HPS6: variants seen among roughly 807,000 people sequenced by gnomAD.
The protein encoded by HPS6 is HPS6 biogenesis of lysosomal organelles complex 2 subunit 3.
In HPS6, 46 loss-of-function variants were observed where a neutral mutation model predicts 53.6. The observed-to-expected ratio is 0.86, with a 90% CI of 0.68 to 1.10. The LOEUF (loss-of-function observed/expected upper bound fraction) is 1.10, where lower values mean the gene tolerates loss of function less well. Among genes scored for constraint, HPS6 ranks in the 50% least tolerant of loss-of-function variants. The probability of loss-of-function intolerance (pLI) is 0.00; values close to 1 mark genes in which losing one functional copy is unlikely to be tolerated. For synonymous variants in HPS6, 535 were observed against 470.8 expected (o/e 1.14, Z -1.77); for missense variants, 1,034 against 991.3 (o/e 1.04, Z -0.58).
In HPS6 at chr10:102,065,904, C is replaced by G; in HGVS notation, c.430C>G (p.Arg144Gly). ...LRGRLVWCEE[R>G]QARAEGPSGS... is the part of the protein sequence containing the mutation. ...AGGCCGCCTGGTGTGGTGCGAGGAG[C>G]GGCAGGCCCGGGCCGAGGGCCCGTC... The change falls in exon 1 of 1, where the codon CGG (arginine) becomes GGG (glycine). Residue 144 changes from arginine to glycine, a missense_variant. By Grantham distance (125) the Arg-to-Gly change is moderately radical (BLOSUM62 -2). Coordinates refer to ENST00000299238, the MANE Select transcript of HPS6 (RefSeq NM_024747.6). 1 of 1,541,736 alleles carries G rather than the reference C, an allele frequency of 6.5e-7. No individual in the cohort carries two copies. Among genetic ancestry groups the G allele is most frequent in the Non-Finnish European group, 8.7e-7 (1 of 1,151,142 alleles).
In HPS6 at chr10:102,067,539, C is replaced by T; in HGVS notation, c.2065C>T (p.Pro689Ser). 3 of 1,613,742 alleles carry T rather than the reference C, an allele frequency of 1.9e-6. No individual in the cohort carries two copies. Among genetic ancestry groups the T allele is most frequent in the Non-Finnish European group, 2.5e-6 (3 of 1,180,036 alleles). ...GCACCGCCGGCTTGATGCTCACCTC[C>T]CCCTCCTTTGCCGCCTGTGCCCACC... ...AQHRRLDAHL[P>S]LLCRLCPPEL... The change falls in exon 1 of 1, where the codon CCC (proline) becomes TCC (serine). Residue 689 changes from proline to serine, a missense_variant. Transcript: ENST00000299238.
At position 102,066,855 on chromosome 10, in the gene HPS6, G is replaced by T; in HGVS notation, c.1381G>T (p.Asp461Tyr). The T allele has an allele frequency of 2.5e-6, 4 of 1,614,224 alleles. No homozygotes were observed. The highest frequency in any genetic ancestry group is 1.3e-5 in the African/African-American group (1 of 75,064). Reference protein sequence around the residue: ...LLTMLRTELRDYRGLEQLKAQ... With the variant: ...LLTMLRTELRYYRGLEQLKAQ... ...GACCATGTTGAGGACCGAGCTTCGGGATTACCGAGGCTTAGAACAGCTGAA... is the reference window on the plus strand; with the variant it reads ...GACCATGTTGAGGACCGAGCTTCGGTATTACCGAGGCTTAGAACAGCTGAA... The change falls in exon 1 of 1, where the codon GAT becomes TAT. Residue 461 changes from aspartate to tyrosine, a missense_variant. Coordinates refer to ENST00000299238, the MANE Select transcript of HPS6 (RefSeq NM_024747.6).
chr10:102,068,020 A>G lies in HPS6; in HGVS notation c.*218A>G, dbSNP rs987888155. ...TTTTTAAGATGTGTGTGTTAAATAT[A>G]TACATAGTTTAATATATACACAGTT... On this transcript the variant is annotated 3_prime_UTR_variant, in exon 1 of 1. Coordinates refer to ENST00000299238, the MANE Select transcript of HPS6 (RefSeq NM_024747.6). The G allele has an allele frequency of 4.7e-6, 3 of 643,720 alleles. No homozygotes were observed. Among genetic ancestry groups the G allele is most frequent in the Non-Finnish European group, 8.5e-6 (3 of 352,384 alleles). 39.9% of individuals were successfully genotyped at this position (643,720 alleles called of 1,614,324 possible).
In HPS6 at chr10:102,067,943, G is replaced by C; in HGVS notation, c.*141G>C. The C allele has an allele frequency of 1.0e-6, 1 of 979,536 alleles. No homozygotes were observed. The highest frequency in any genetic ancestry group is 1.6e-5 in the African/African-American group (1 of 62,568). 60.7% of individuals were successfully genotyped at this position (979,536 alleles called of 1,614,324 possible). ...CAGGGAAGGGTGCCTGGGACTTGGA[G>C]GGTCCCATGTATGGACCTGTGTATG... On this transcript the variant is annotated 3_prime_UTR_variant, in exon 1 of 1. Transcript: ENST00000299238.
rs1034386426 is a variant in HPS6 at position 102,067,578 on chromosome 10, G to A, written c.2104G>A (p.Ala702Thr). The A allele has an allele frequency of 3.1e-6, 5 of 1,613,570 alleles. No homozygotes were observed. The African/African-American group carries it at 6.7e-5, about 22-fold the overall frequency. ...CCTGTGCCCACCAGAACTGGCTCCA[G>A]CTGAGCTCCTGCTTCTACTGAGGAC... ...CRLCPPELAP[A>T]ELLLLLRTYL... The change falls in exon 1 of 1, where the codon GCT becomes ACT. Residue 702 changes from alanine (A) to threonine (T), a missense_variant. Transcript: ENST00000299238.
chr10:102,065,465 C>T lies in HPS6; in HGVS notation c.-10C>T. On this transcript the variant is annotated 5_prime_UTR_variant, in exon 1 of 1. Transcript: ENST00000299238. ...GGCAAAGCCTGGGCGCGCTCCCGCG[C>T]AGCGGCGCCATGAAGCGCTCGGGGA... 6.4e-7 allele frequency: 1 copy of T among 1,551,626 alleles called. No individual in the cohort carries two copies. Among genetic ancestry groups the T allele is most frequent in the East Asian group, 2.5e-5 (1 of 40,470 alleles).
chr10:102,066,925 A>G lies in HPS6; in HGVS notation c.1451A>G (p.Glu484Gly). 1 of 1,614,184 alleles carries G rather than the reference A, an allele frequency of 6.2e-7. No individual in the cohort carries two copies. Among genetic ancestry groups the G allele is most frequent in the Non-Finnish European group, 8.5e-7 (1 of 1,180,038 alleles). Residue 484 changes from glutamate (E) to glycine (G), a missense_variant, in exon 1 of 1, where the codon GAG becomes GGG. Transcript: ENST00000299238. ...GATGATGAGGAGGCTGGTTGGACTGAGCTGGCGGAGCAGGAAGTGGCACGC... is the reference window on the plus strand; with the variant it reads ...GATGATGAGGAGGCTGGTTGGACTGGGCTGGCGGAGCAGGAAGTGGCACGC... Reference protein sequence around the residue: ...AGDDEEAGWTELAEQEVARLL... With the variant: ...AGDDEEAGWTGLAEQEVARLL...
In HPS6 at chr10:102,065,618, C is replaced by G. The variant is rs1235408173; in HGVS notation, c.144C>G (p.Pro48=). 1 of 1,554,078 alleles carries G rather than the reference C, an allele frequency of 6.4e-7. No homozygotes were observed. Among genetic ancestry groups the G allele is most frequent in the Non-Finnish European group, 8.6e-7 (1 of 1,161,734 alleles). ...GCCGCCACTTGCTGCTCCTGCGACC[C>G]CCTGGGGCGGTAGCCCCACAGCTGC... ...PDGRHLLLLR[P]PGAVAPQLLV... is the part of the protein sequence containing the mutation. The change falls in exon 1 of 1, where the codon CCC becomes CCG. Residue 48 remains proline (P), a synonymous_variant. Transcript: ENST00000299238.
rs1436670653 is a variant in HPS6, at chr10:102,065,993, A to T, written c.519A>T (p.Glu173Asp). The change falls in exon 1 of 1, where the codon GAA becomes GAT. Residue 173 changes from glutamate to aspartate, a missense_variant. Coordinates refer to ENST00000299238, the MANE Select transcript of HPS6 (RefSeq NM_024747.6). ...VCVRTLEPSG[E>D]ASTSLGRTHV... ...TCCGGACTCTGGAGCCCAGCGGGGA[A>T]GCTAGCACCAGCCTGGGCCGCACAC... 1.2e-6 allele frequency: 2 copies of T among 1,601,528 alleles called. No individual in the cohort carries two copies. Among genetic ancestry groups the T allele is most frequent in the Non-Finnish European group, 1.7e-6 (2 of 1,179,792 alleles).
At position 102,066,802 on chromosome 10, in the gene HPS6, A is replaced by G; in HGVS notation, c.1328A>G (p.Gln443Arg). Reference sequence around the variant, plus strand: ...CCTCAGGCTCTGGCCTCCATCCTCCAGGGCCACCTGCCCCCATCTGCACTG... The same window carrying G: ...CCTCAGGCTCTGGCCTCCATCCTCCGGGGCCACCTGCCCCCATCTGCACTG... ...RAPQALASIL[Q>R]GHLPPSALLT... is the part of the protein sequence containing the mutation. The change falls in exon 1 of 1, where the codon CAG (glutamine) becomes CGG (arginine). Residue 443 changes from glutamine (Q) to arginine (R), a missense_variant. Physicochemically the swap from Gln to Arg is conservative, Grantham distance 43. Coordinates refer to ENST00000299238, the MANE Select transcript of HPS6 (RefSeq NM_024747.6). 1 of 1,614,200 alleles carries G rather than the reference A, an allele frequency of 6.2e-7. No individual in the cohort carries two copies. Among genetic ancestry groups the G allele is most frequent in the South Asian group, 1.1e-5 (1 of 91,090 alleles).
rs765206943 is a variant in HPS6, at chr10:102,067,153, G to A, written c.1679G>A (p.Gly560Glu). The A allele has an allele frequency of 8.7e-6, 14 of 1,613,614 alleles. No individual in the cohort carries two copies. The Admixed American group carries it at 2.0e-4, about 23-fold the overall frequency. ...GITAGKEPPN[G>E]ILPPFELLCQ... The stretch of plus-strand genomic sequence containing the variant: ...ACCGCTGGAAAGGAACCCCCCAATG[G>A]AATACTGCCCCCCTTTGAACTCCTG... The change falls in exon 1 of 1, where the codon GGA becomes GAA. Residue 560 changes from glycine (G) to glutamate (E), a missense_variant. Gly to Glu is a moderately conservative substitution (Grantham distance 98). Coordinates refer to ENST00000299238, the MANE Select transcript of HPS6 (RefSeq NM_024747.6).
chr10:102,066,800 C>T lies in HPS6; in HGVS notation c.1326C>T (p.Leu442=). 1 of 1,614,214 alleles carries T rather than the reference C, an allele frequency of 6.2e-7. No homozygotes were observed. Among genetic ancestry groups the T allele is most frequent in the Non-Finnish European group, 8.5e-7 (1 of 1,180,042 alleles). The part of the protein sequence containing the change: ...FRAPQALASI[L]QGHLPPSALL... ...CACCTCAGGCTCTGGCCTCCATCCTCCAGGGCCACCTGCCCCCATCTGCAC... is the reference window on the plus strand; with the variant it reads ...CACCTCAGGCTCTGGCCTCCATCCTTCAGGGCCACCTGCCCCCATCTGCAC... Residue 442 remains leucine, a synonymous_variant, in exon 1 of 1, where the codon CTC becomes CTT. Coordinates refer to ENST00000299238, the MANE Select transcript of HPS6 (RefSeq NM_024747.6).
rs1159097268 is a variant in HPS6 at position 102,067,639 on chromosome 10, T to C, written c.2165T>C (p.Phe722Ser). The C allele has an allele frequency of 6.2e-7, 1 of 1,613,880 alleles. No individual in the cohort carries two copies. The highest frequency in any genetic ancestry group is 8.5e-7 in the Non-Finnish European group (1 of 1,180,002). The stretch of plus-strand genomic sequence containing the variant: ...GATGAGGTGGGGCCCCCAACCCCAT[T>C]CCCTGAGCCTGGAGCAGAGCCCCCT... ...LPDEVGPPTP[F>S]PEPGAEPPLT... is the part of the protein sequence containing the mutation. Residue 722 changes from phenylalanine to serine, a missense_variant, in exon 1 of 1, where the codon TTC becomes TCC. By Grantham distance (155) the Phe-to-Ser change is radical. Transcript: ENST00000299238.
chr10:102,067,646 G>C lies in HPS6; in HGVS notation c.2172G>C (p.Glu724Asp), dbSNP rs2067982053. Residue 724 changes from glutamate (E) to aspartate (D), a missense_variant, in exon 1 of 1, where the codon GAG becomes GAC. Glu to Asp is a conservative substitution (Grantham distance 45). Transcript: ENST00000299238. ...DEVGPPTPFP[E>D]PGAEPPLTVG... ...TGGGGCCCCCAACCCCATTCCCTGA[G>C]CCTGGAGCAGAGCCCCCTCTCACTG... The C allele has an allele frequency of 6.2e-7, 1 of 1,613,800 alleles. No homozygotes were observed.
In HPS6 at chr10:102,066,041, T is replaced by G. The variant is rs1015249401; in HGVS notation, c.567T>G (p.Pro189=). ...GRTHVLLHHC[P]AFGLLASCRQ... ...CACACGTCCTGCTGCACCACTGCCC[T>G]GCCTTCGGGCTGCTGGCCTCCTGCA... Residue 189 remains proline, a synonymous_variant, in exon 1 of 1, where the codon CCT becomes CCG. Coordinates refer to ENST00000299238, the MANE Select transcript of HPS6 (RefSeq NM_024747.6). 2.9e-5 allele frequency: 47 copies of G among 1,608,882 alleles called. No individual in the cohort carries two copies. Among genetic ancestry groups the G allele is most frequent in the Non-Finnish European group, 3.7e-5 (44 of 1,180,002 alleles).
rs1316415445 is a variant in HPS6 at position 102,066,057 on chromosome 10, G to T, written c.583G>T (p.Ala195Ser). The stretch of plus-strand genomic sequence containing the variant: ...CCACTGCCCTGCCTTCGGGCTGCTG[G>T]CCTCCTGCAGACAACTCTTCCTGGT... ...LHHCPAFGLLASCRQLFLVPT... is the reference protein window; with the variant it reads ...LHHCPAFGLLSSCRQLFLVPT... Residue 195 changes from alanine (A) to serine (S), a missense_variant, in exon 1 of 1, where the codon GCC (alanine) becomes TCC (serine). Physicochemically the swap from Ala to Ser is moderately conservative, Grantham distance 99 (BLOSUM62 1). Coordinates refer to ENST00000299238, the MANE Select transcript of HPS6 (RefSeq NM_024747.6). The T allele has an allele frequency of 2.5e-6, 4 of 1,610,818 alleles. No homozygotes were observed. Among genetic ancestry groups the T allele is most frequent in the South Asian group, 2.2e-5 (2 of 91,086 alleles).
chr10:102,066,904 A>C lies in HPS6; in HGVS notation c.1430A>C (p.Asp477Ala), dbSNP rs755069670. 1.2e-6 allele frequency: 2 copies of C among 1,614,196 alleles called. No individual in the cohort carries two copies. Among genetic ancestry groups the C allele is most frequent in the Non-Finnish European group, 1.7e-6 (2 of 1,180,024 alleles). Residue 477 changes from aspartate to alanine, a missense_variant, in exon 1 of 1, where the codon GAT (aspartate) becomes GCT (alanine). By Grantham distance (126) the Asp-to-Ala change is moderately radical (BLOSUM62 -2). Transcript: ENST00000299238. ...AAGGCCCAGCTGGTGGCTGGGGATG[A>C]TGAGGAGGCTGGTTGGACTGAGCTG... ...QLKAQLVAGDDEEAGWTELAE... is the reference protein window; with the variant it reads ...QLKAQLVAGDAEEAGWTELAE...
chr10:102,067,744 A>G lies in HPS6; in HGVS notation c.2270A>G (p.Tyr757Cys). 1 of 1,613,200 alleles carries G rather than the reference A, an allele frequency of 6.2e-7. No individual in the cohort carries two copies. The highest frequency in any genetic ancestry group is 1.1e-5 in the South Asian group (1 of 91,082). The change falls in exon 1 of 1, where the codon TAT becomes TGT. Residue 757 changes from tyrosine to cysteine, a missense_variant. By Grantham distance (194) the Tyr-to-Cys change is radical. Transcript: ENST00000299238. ...CTGTCGGGCCCAGTTCTAAGCCCAT[A>G]TGAGGACATCCTATGGGACCCCAGC... ...GWLSGPVLSP[Y>C]EDILWDPSTP...
rs753207005 is a variant in HPS6 at position 102,066,422 on chromosome 10, C to T, written c.948C>T (p.Ala316=). ...EAPVGPWGSA[A]LGTFQGTLAC... The stretch of plus-strand genomic sequence containing the variant: ...CTGTAGGCCCGTGGGGGTCTGCAGC[C>T]CTAGGCACATTTCAGGGCACTCTGG... The change falls in exon 1 of 1, where the codon GCC becomes GCT. Residue 316 remains alanine (A), a synonymous_variant. Coordinates refer to ENST00000299238, the MANE Select transcript of HPS6 (RefSeq NM_024747.6). The T allele has an allele frequency of 1.9e-6, 3 of 1,614,098 alleles. No individual in the cohort carries two copies. Among genetic ancestry groups the T allele is most frequent in the Non-Finnish European group, 2.5e-6 (3 of 1,180,026 alleles).
Sources: gnomAD v4.1 joint callset for allele counts on GRCh38, gnomAD v4.1.1 for gene constraint, MANE v1.5 for transcripts, NCBI Gene and HGNC (gene_info 2026-07-23, HGNC 2026-07-21) for gene names.